Variants in GDF1 observed in about 807,000 individuals in gnomAD.
The protein encoded by GDF1 is embryonic growth/differentiation factor 1.
GDF1 carries 8 observed loss-of-function variants against 7.4 expected under a neutral mutation model. The ratio of observed to expected loss-of-function variants is 1.09; its 90% CI spans 0.64 to 1.96. The LOEUF is 1.96. GDF1 is among the 30% of genes most tolerant of loss of function. GDF1 has a pLI of 0.00. For missense variants in GDF1, 574 were observed against 551.5 expected, an observed-to-expected ratio of 1.04 and a Z score of -0.41; for synonymous variants, 311 against 276.7, an observed-to-expected ratio of 1.12 and a Z score of -1.23.
intron 2 of GDF1, among the ~76,000 whole-genome samples, chr19:18,884,709 CTTTTTTTTTTT>C (rs36074874): frequency 1.4e-5 from 1 of 69,128 alleles, no homozygotes; most frequent in African/African-American, 6.1e-5. Context: ...GCCCAGCCGT[CTTTTTTTTTTT>C]TTTTTTTTTT....
intron 5 of GDF1, 101 bp from the exon 6 acceptor site, chr19:18,879,140 C>A: frequency 6.3e-7 from 1 of 1,589,798 alleles, no homozygotes; most frequent in Non-Finnish European, 8.6e-7. Context: ...CACGGGCTGT[C>A]TGCCACCTAA....
chr19:18,875,228 C>T (rs1253360044), intron 6 of GDF1, among the ~76,000 whole-genome samples: 13 of 138,176 alleles, frequency 9.4e-5, no homozygotes, highest in Admixed American at 6.6e-4. Context: ...AGAGTGGGAC[C>T]GTCTCTAAAA....
intron 3 of GDF1, 136 bp from the exon 4 acceptor site, chr19:18,880,571 C>A: frequency 1.3e-6 from 1 of 799,274 alleles, no homozygotes; most frequent in South Asian, 2.0e-5. Flanking sequence ...CTTCCTGCCT[C>A]GCCTGCCCTG....
At position 18,878,223 on chromosome 19, in the gene GDF1, T is replaced by C. The variant is rs1055584786; in HGVS notation, c.-313+707A>G. On this transcript the variant is annotated intron_variant, in intron 6 of 7. Transcript: ENST00000247005. This position sits in a 1 kb window ranked among gnomAD's most constrained non-coding sequence, Gnocchi z 4.6. ...GGCTCCTGCTCAAACACTCCTCACG[T>C]TGCCTATGAGACACTGCACACCCGA... 2.0e-6 allele frequency: 2 copies of C among 985,552 alleles called. No homozygotes were observed. The highest frequency in any genetic ancestry group is 1.2e-4 in the Admixed American group (2 of 16,256). The allele number at this position is 985,552 out of a possible 1,614,324, so 61.1% of individuals were successfully genotyped here. A position where few individuals can be genotyped will look rare whatever the true frequency, so the allele number is the denominator to read the frequency against.
At position 18,895,581 on chromosome 19, in the gene GDF1, C is replaced by A. The variant is rs1056583820; in HGVS notation, c.-1074+243G>T. Among the ~76,000 whole-genome samples the A allele has an allele frequency of 2.0e-5, 3 of 151,944 alleles. No homozygotes were observed. The highest frequency in any genetic ancestry group is 6.5e-5 in the Admixed American group (1 of 15,270). ...ACTCACCCCAGCCCGGCCACACCCC[C>A]GCATCTACCCGGTTCCCCCACGCAG... On this transcript the variant is annotated intron_variant, in intron 1 of 7. Coordinates refer to ENST00000247005, the MANE Select transcript of GDF1 (RefSeq NM_001492.6). This position sits in a 1 kb window ranked among gnomAD's most constrained non-coding sequence, Gnocchi z 6.4.
chr19:18,890,131 G>A (rs2056455759), intron 2 of GDF1, among the ~76,000 whole-genome samples: 2 of 152,276 alleles, frequency 1.3e-5, no homozygotes, highest in East Asian at 3.9e-4. Flanking sequence ...TGGATGGCAT[G>A]GCCCCCACTT....
intron 3 of GDF1, among the ~76,000 whole-genome samples, chr19:18,881,434 G>A (rs1224644402): frequency 6.6e-6 from 1 of 151,834 alleles, no homozygotes; most frequent in Non-Finnish European, 1.5e-5. Flanking sequence ...TGGTCCCGCT[G>A]ATCTCGAATT....
intron 1 of GDF1, 94 bp from the exon 2 acceptor site, chr19:18,893,669 G>T: frequency 3.0e-6 from 4 of 1,320,308 alleles, no homozygotes; most frequent in Non-Finnish European, 2.1e-6. Flanking sequence ...GACTCCCCAG[G>T]CCGGGCAGCA....
At chr19:18,891,132 A>T (rs2056480504) in intron 2 of GDF1, among the ~76,000 whole-genome samples, 1 of 152,118 alleles carries the variant, frequency 6.6e-6, no homozygotes, top group Non-Finnish European at 1.5e-5. Context: ...AAAAAAAAAA[A>T]AAAAAGTTAT....
chr19:18,894,663 C>T (rs1004380111), intron 1 of GDF1, among the ~76,000 whole-genome samples: 1 of 152,064 alleles, frequency 6.6e-6, no homozygotes, highest in Non-Finnish European at 1.5e-5. Flanking sequence ...GGATAAAGAC[C>T]ACTGCGGACC....
At position 18,893,864 on chromosome 19, in the gene GDF1, G is replaced by A. The variant is rs975544672; in HGVS notation, c.-1073-289C>T. Among the ~76,000 whole-genome samples the A allele has an allele frequency of 8.6e-5, 13 of 152,014 alleles. No homozygotes were observed. The South Asian group carries it at 1.7e-3, about 19-fold the overall frequency. On this transcript the variant is annotated intron_variant, in intron 1 of 7. Coordinates refer to ENST00000247005, the MANE Select transcript of GDF1 (RefSeq NM_001492.6). The stretch of plus-strand genomic sequence containing the variant: ...CCAGAAGGGGGACACTTGGGCTTAC[G>A]ATGAGGGAGACGGATGGATGCGTCA...
At chr19:18,872,834 A>C (rs761178307) in intron 6 of GDF1, among the ~76,000 whole-genome samples, 20 of 151,672 alleles carry the variant, frequency 1.3e-4, no homozygotes, top group Non-Finnish European at 2.8e-4. Flanking sequence ...TTTTTAGTAG[A>C]GATGGGATTT....
intron 2 of GDF1, 141 bp downstream of exon 2, chr19:18,893,275 C>T (rs546459665): frequency 5.3e-5 from 46 of 863,454 alleles, no homozygotes; most frequent in South Asian, 2.8e-4. Context: ...AGTGCAGTGG[C>T]GTGCTCATAG....
In GDF1 at chr19:18,895,914, C is replaced by T; in HGVS notation, c.-1164G>A. The stretch of plus-strand genomic sequence containing the variant: ...GCAGCAGCTCGGGCGGCGCCAGGTG[C>T]GCGTGCTCAGCCAGGCCGCGACGCG... On this transcript the variant is annotated 5_prime_UTR_variant, in exon 1 of 8. Transcript: ENST00000247005. The surrounding 1 kb of genome is among the most constrained non-coding windows in gnomAD (Gnocchi z 6.4). 8.0e-7 allele frequency: 1 copy of T among 1,242,294 alleles called. No homozygotes were observed. Among genetic ancestry groups the T allele is most frequent in the Non-Finnish European group, 1.0e-6 (1 of 990,950 alleles). The allele number at this position is 1,242,294 out of a possible 1,614,324, so 77.0% of individuals were successfully genotyped here. A position where few individuals can be genotyped will look rare whatever the true frequency, so the allele number is the denominator to read the frequency against.
At chr19:18,886,395 A>G (rs2056361672) in intron 2 of GDF1, among the ~76,000 whole-genome samples, 1 of 151,950 alleles carries the variant, frequency 6.6e-6, no homozygotes. Flanking sequence ...TAAAAATACA[A>G]AAAATTAGCC....
intron 7 of GDF1, 134 bp from the exon 8 acceptor site, chr19:18,869,524 G>T: frequency 1.6e-6 from 2 of 1,257,478 alleles, no homozygotes. Context: ...TGAAGCGGCG[G>T]GGTGGGCTGA....
chr19:18,896,006 C>T lies in GDF1; in HGVS notation c.-1256G>A, dbSNP rs1431899098. The T allele has an allele frequency of 4.9e-6, 5 of 1,017,916 alleles. No homozygotes were observed. The South Asian group carries it at 1.2e-4, about 24-fold the overall frequency. The allele number at this position is 1,017,916 out of a possible 1,614,324, so 63.1% of individuals were successfully genotyped here. A position where few individuals can be genotyped will look rare whatever the true frequency, so the allele number is the denominator to read the frequency against. On this transcript the variant is annotated 5_prime_UTR_variant, in exon 1 of 8. It adds an upstream start codon to the 5' untranslated region. Coordinates refer to ENST00000247005, the MANE Select transcript of GDF1 (RefSeq NM_001492.6). This position sits in a 1 kb window ranked among gnomAD's most constrained non-coding sequence, Gnocchi z 5.9. ...AGCGCGCTGCCCCAGCCGCGCTGCA[C>T]TAGCTGCGCGTAGCTCGGCATGGGC...
In GDF1 at chr19:18,884,354, C is replaced by T. The variant is rs897489984; in HGVS notation, c.-913-87G>A. ...ACCCGGTGACACCCTCCAAGCCACA[C>T]GTGTCCTCCCAGTACCCAGGTAACC... On this transcript the variant is annotated intron_variant, in intron 2 of 7. Coordinates refer to ENST00000247005, the MANE Select transcript of GDF1 (RefSeq NM_001492.6). 25 of 1,269,008 alleles carry T rather than the reference C, an allele frequency of 2.0e-5. No homozygotes were observed. The East Asian group carries it at 2.3e-4, about 12-fold the overall frequency. 78.6% of individuals were successfully genotyped at this position (1,269,008 alleles called of 1,614,324 possible). A position where few individuals can be genotyped will look rare whatever the true frequency, so the allele number is the denominator to read the frequency against.
At chr19:18,873,841 GAAA>G (rs35266368) in intron 6 of GDF1, among the ~76,000 whole-genome samples, 3 of 116,828 alleles carry the variant, frequency 2.6e-5, no homozygotes, top group African/African-American at 9.4e-5. Flanking sequence ...ACTCTGTCTC[GAAA>G]AAAAAAAAAA....
Sources: allele counts gnomAD v4.1 joint callset (sites outside exome capture counted in the v4.1 genomes callset), GRCh38; gene constraint gnomAD v4.1.1; non-coding constraint Gnocchi (gnomAD v3.1); transcripts MANE v1.5; gene names NCBI Gene and HGNC (gene_info 2026-07-23, HGNC 2026-07-21).